VPS13C: variants seen among roughly 807,000 people sequenced by gnomAD.
VPS13C encodes intermembrane lipid transfer protein VPS13C.
A neutral mutation model predicts 456.8 loss-of-function variants in VPS13C; 358 were observed. The observed-to-expected ratio is 0.78, with a 90% confidence interval of 0.72 to 0.86. The LOEUF (loss-of-function observed/expected upper bound fraction) is 0.86, where lower values mean the gene tolerates loss of function less well. Among genes scored for constraint, VPS13C ranks in the 40% least tolerant of loss-of-function variants. The pLI, the probability that VPS13C is intolerant of heterozygous loss-of-function variation, is 0.00. For synonymous variants in VPS13C, 1,578 were observed against 1,486.7 expected, an observed-to-expected ratio of 1.06 and a Z score of -1.41; for missense variants, 4,818 against 4,385.4, an observed-to-expected ratio of 1.10 and a Z score of -2.79.
At chr15:61,950,794 T>C (rs990487397) in intron 40 of VPS13C, 151 bp downstream of exon 40, 1 of 588,984 alleles carries the variant, frequency 1.7e-6, no homozygotes, top group Admixed American at 3.5e-5. Flanking sequence ...TTAATGAAAG[T>C]ATCCAGGATT....
chr15:62,013,863 AAT>A, intron 10 of VPS13C, 68 bp downstream of exon 10: 1 of 1,185,832 alleles, frequency 8.4e-7, no homozygotes, highest in South Asian at 1.4e-5. Flanking sequence ...CTGCTCCATC[AAT>A]GTTTCTTCAA....
At chr15:61,880,799 ATT>A in intron 72 of VPS13C, 42 bp downstream of exon 72, 22 of 1,559,826 alleles carry the variant, frequency 1.4e-5, no homozygotes, top group Non-Finnish European at 1.9e-5. Flanking sequence ...GCTGATTTAA[ATT>A]TTGTTAATTT....
At chr15:62,019,790 G>C (rs1236916297) in intron 9 of VPS13C, among the ~76,000 whole-genome samples, 2 of 152,030 alleles carry the variant, frequency 1.3e-5, no homozygotes, top group African/African-American at 4.8e-5. Flanking sequence ...CAGTTCTGTA[G>C]ATGTCTATTG....
chr15:61,918,018 T>C, intron 59 of VPS13C, 118 bp downstream of exon 59: 1 of 1,041,968 alleles, frequency 9.6e-7, no homozygotes, highest in Non-Finnish European at 1.4e-6. Context: ...GAAGACTAAA[T>C]TATGTCTTAA....
At chr15:61,891,814 C>T (rs1426191947) in intron 66 of VPS13C, among the ~76,000 whole-genome samples, 2 of 152,148 alleles carry the variant, frequency 1.3e-5, no homozygotes, top group African/African-American at 2.4e-5. Context: ...TGTGGCTTCA[C>T]TCTTTACCAC....
At chr15:61,983,451 C>T (rs983305976) in intron 20 of VPS13C, among the ~76,000 whole-genome samples, 61 of 152,238 alleles carry the variant, frequency 4.0e-4, no homozygotes, top group African/African-American at 1.4e-3. Context: ...AGTCCTAAAG[C>T]TCTTTGAATT....
chr15:61,964,751 C>T lies in VPS13C; in HGVS notation c.3162G>A (p.Lys1054=), dbSNP rs771499181. ...PSDDQSISVA[K]EVQISTEKQQ... ...GTTTTTCAGTTGAAATTTGTACCTC[C>T]TTAGCAACACTTATGCTTTGATCAT... is the stretch of plus-strand genomic sequence containing the variant. The change falls in exon 31 of 85, where the codon AAG becomes AAA. Residue 1054 remains lysine (K), a synonymous_variant. Transcript: ENST00000644861. 23 of 1,611,652 alleles carry T rather than the reference C, an allele frequency of 1.4e-5. No individual in the cohort carries two copies. Among genetic ancestry groups the T allele is most frequent in the Non-Finnish European group, 3.4e-6 (4 of 1,178,768 alleles).
intron 23 of VPS13C, among the ~76,000 whole-genome samples, chr15:61,978,104 T>C (rs2140371875): frequency 6.6e-6 from 1 of 152,152 alleles, no homozygotes; most frequent in East Asian, 1.9e-4. Context: ...CCAAAGCTTT[T>C]GGAAAATAAT....
intron 69 of VPS13C, 56 bp downstream of exon 69, chr15:61,882,540 C>A: frequency 1.4e-6 from 2 of 1,410,774 alleles, no homozygotes; most frequent in South Asian, 1.9e-5. Context: ...AAAGAAATTT[C>A]ATTCCCAAGA....
chr15:62,030,229 A>G (rs1419040343), intron 5 of VPS13C, among the ~76,000 whole-genome samples: 1 of 152,198 alleles, frequency 6.6e-6, no homozygotes, highest in Non-Finnish European at 1.5e-5. Flanking sequence ...AGCAGCATTT[A>G]CAAATTCAAG....
At chr15:61,998,684 A>G (rs1000809947) in intron 16 of VPS13C, among the ~76,000 whole-genome samples, 2 of 152,210 alleles carry the variant, frequency 1.3e-5, no homozygotes, top group African/African-American at 4.8e-5. Flanking sequence ...TTTTAGCCAT[A>G]ATGCAAGCAT....
chr15:61,980,089 C>T (rs142272311), intron 22 of VPS13C, among the ~76,000 whole-genome samples: 1,691 of 141,810 alleles, frequency 0.012, 28 homozygotes, highest in African/African-American at 0.042. Context: ...GAGGCTGAGG[C>T]AGGAAAATCA....
intron 9 of VPS13C, among the ~76,000 whole-genome samples, chr15:62,016,342 T>A (rs551308982): frequency 9.9e-5 from 15 of 152,100 alleles, no homozygotes; most frequent in African/African-American, 2.9e-4. Flanking sequence ...TACGTATGTA[T>A]ACATGTGCCA....
intron 39 of VPS13C, among the ~76,000 whole-genome samples, chr15:61,951,274 T>G (rs2044782746): frequency 6.6e-6 from 1 of 152,126 alleles, no homozygotes; most frequent in Non-Finnish European, 1.5e-5. Flanking sequence ...ACTACTGTAT[T>G]ACTCTCATCT....
At chr15:62,037,473 T>G (rs1190309596) in intron 3 of VPS13C, among the ~76,000 whole-genome samples, 1 of 109,564 alleles carries the variant, frequency 9.1e-6, no homozygotes, top group Non-Finnish European at 1.7e-5. Flanking sequence ...ATATAATAAA[T>G]TTATTATATT....
At chr15:62,054,888 T>C (rs114426958) in intron 1 of VPS13C, among the ~76,000 whole-genome samples, 1,696 of 152,262 alleles carry the variant, frequency 0.011, 29 homozygotes, top group African/African-American at 0.039. Flanking sequence ...TTATCAACAA[T>C]GACAAAGGTT....
intron 4 of VPS13C, among the ~76,000 whole-genome samples, chr15:62,034,464 C>T (rs2047918087): frequency 6.6e-6 from 1 of 151,486 alleles, no homozygotes; most frequent in Non-Finnish European, 1.5e-5. Flanking sequence ...TTAAACATCA[C>T]TACTTTAAAA....
At chr15:62,057,176 C>G (rs1396379079) in intron 1 of VPS13C, among the ~76,000 whole-genome samples, 1 of 152,122 alleles carries the variant, frequency 6.6e-6, no homozygotes, top group Non-Finnish European at 1.5e-5. Flanking sequence ...ATGAATTCTT[C>G]CCTTTCTCAA....
intron 81 of VPS13C, chr15:61,865,698 GTGTGTA>G (rs1312933939): frequency 5.3e-6 from 2 of 376,556 alleles, no homozygotes; most frequent in Admixed American, 6.5e-5. Context: ...GTATATATAT[GTGTGTA>G]TATGTATGTG....
Sources: allele counts gnomAD v4.1 joint callset (sites outside exome capture counted in the v4.1 genomes callset), GRCh38; gene constraint gnomAD v4.1.1; transcripts MANE v1.5; gene names NCBI Gene and HGNC (gene_info 2026-07-23, HGNC 2026-07-21).